The following GALNT13 variants were observed in gnomAD, a reference collection of about 807,000 sequenced individuals.
The protein encoded by GALNT13 is polypeptide N-acetylgalactosaminyltransferase 13, also known as UDP-GalNAc:polypeptide N-acetylgalactosaminyltransferase 13.
In GALNT13, 28 loss-of-function variants were observed where a neutral mutation model predicts 64.2. The ratio of observed to expected loss-of-function variants is 0.44; its 90% CI spans 0.32 to 0.60. The LOEUF (loss-of-function observed/expected upper bound fraction) is 0.60. GALNT13 is among the 20% of genes least tolerant of loss of function. GALNT13 has a pLI of 0.05. For synonymous variants in GALNT13, 214 were observed against 224.6 expected (o/e 0.95, Z 0.42); for missense variants, 577 against 669.8 (o/e 0.86, Z 1.53).
chr2:153,549,569 C>T, the GALNT13 span, among the ~76,000 whole-genome samples: 1 of 152,138 alleles, frequency 6.6e-6, no homozygotes, highest in Admixed American at 6.5e-5. Flanking sequence ...AAACTGTAGC[C>T]ATATGATCAA....
At chr2:154,025,089 G>T (rs1273485815) in intron 3 of GALNT13, among the ~76,000 whole-genome samples, 1 of 152,154 alleles carries the variant, frequency 6.6e-6, no homozygotes, top group East Asian at 1.9e-4. Context: ...CGTGTAAGTT[G>T]TCAGTCCGCC....
the GALNT13 span, among the ~76,000 whole-genome samples, chr2:153,605,183 C>T: frequency 3.9e-5 from 6 of 152,102 alleles, no homozygotes; most frequent in South Asian, 2.1e-4. Context: ...ATAGCTTTTT[C>T]GCAGCCTTCT....
chr2:153,686,781 CA>C, the GALNT13 span, among the ~76,000 whole-genome samples: 1 of 152,014 alleles, frequency 6.6e-6, no homozygotes, highest in South Asian at 2.1e-4. Flanking sequence ...GCGAGTTTGT[CA>C]TATATGGTTC....
Position 154,334,082 on chromosome 2 carries a change from T to TTC in GALNT13, c.1156+32493_1156+32494insTC, listed in dbSNP as rs1553516459. Among the ~76,000 whole-genome samples the TTC allele has an allele frequency of 7.0e-3, 1,062 of 151,478 alleles. 12 individuals are homozygous for TTC. The highest frequency in any genetic ancestry group is 0.024 in the African/African-American group (1,013 of 41,362). Reference sequence around the variant, plus strand: ...ATGTTACCTCATGGATGACTTTTTTTCTCTTCTCTTTTATATGATGTTAAA... The same window carrying TTC: ...ATGTTACCTCATGGATGACTTTTTTTTCCTCTTCTCTTTTATATGATGTTAAA... On this transcript the variant is annotated intron_variant, in intron 9 of 12. Transcript: ENST00000392825.
the GALNT13 span, among the ~76,000 whole-genome samples, chr2:153,405,478 G>A: frequency 1.1e-4 from 17 of 152,302 alleles, no homozygotes; most frequent in Non-Finnish European, 2.2e-4. Context: ...GACACTCTGA[G>A]CATAGCAGAA....
intron 9 of GALNT13, among the ~76,000 whole-genome samples, chr2:154,344,127 GTAGA>G (rs1388437024): frequency 6.6e-6 from 1 of 151,982 alleles, no homozygotes; most frequent in African/African-American, 2.4e-5. Flanking sequence ...AGATTCCTTA[GTAGA>G]TAGTGTCATT....
chr2:153,657,287 G>A, the GALNT13 span, among the ~76,000 whole-genome samples: 1 of 152,072 alleles, frequency 6.6e-6, no homozygotes, highest in Non-Finnish European at 1.5e-5. Context: ...TTTTGAATGG[G>A]AGAGTTAGAA....
At chr2:153,117,728 G>T in the GALNT13 span, among the ~76,000 whole-genome samples, 1 of 152,072 alleles carries the variant, frequency 6.6e-6, no homozygotes, top group Admixed American at 6.6e-5. Flanking sequence ...TGAATTTCCT[G>T]TAGACACCTC....
At chr2:154,255,966 T>G (rs1192501630) in intron 7 of GALNT13, among the ~76,000 whole-genome samples, 1 of 151,692 alleles carries the variant, frequency 6.6e-6, no homozygotes, top group Non-Finnish European at 1.5e-5. Flanking sequence ...GGTGGGAGAA[T>G]CATCTGAGCC....
At chr2:153,918,218 A>AG (rs1689523378) in intron 2 of GALNT13, among the ~76,000 whole-genome samples, 1 of 152,170 alleles carries the variant, frequency 6.6e-6, no homozygotes, top group Non-Finnish European at 1.5e-5. Context: ...GGGAATACAA[A>AG]GTAAAAATAT....
the GALNT13 span, among the ~76,000 whole-genome samples, chr2:153,175,721 A>T: frequency 6.6e-6 from 1 of 152,176 alleles, no homozygotes; most frequent in Admixed American, 6.5e-5. Context: ...AAAATATGAT[A>T]AGACTCATAT....
At chr2:153,518,905 TGGGTAC>T in the GALNT13 span, among the ~76,000 whole-genome samples, 1 of 152,132 alleles carries the variant, frequency 6.6e-6, no homozygotes, top group South Asian at 2.1e-4. Context: ...GTACTGTAAT[TGGGTAC>T]TGTGATTTCT....
chr2:153,871,204 C>T (rs1276780670), upstream of GALNT13, among the ~76,000 whole-genome samples: 1 of 152,172 alleles, frequency 6.6e-6, no homozygotes, highest in Non-Finnish European at 1.5e-5. Context: ...AATATCATAC[C>T]TACTTGCCTG....
intron 9 of GALNT13, among the ~76,000 whole-genome samples, chr2:154,313,417 G>GAT (rs10567387): frequency 1.2e-4 from 7 of 58,274 alleles, no homozygotes; most frequent in South Asian, 7.1e-4. Context: ...ACCCAGTAGA[G>GAT]ATATATATAT....
chr2:153,610,295 T>A, the GALNT13 span, among the ~76,000 whole-genome samples: 1 of 152,058 alleles, frequency 6.6e-6, no homozygotes, highest in Non-Finnish European at 1.5e-5. Flanking sequence ...AAAAAAGAAT[T>A]TGAAACAGAA....
the GALNT13 span, among the ~76,000 whole-genome samples, chr2:153,518,377 T>G: frequency 2.0e-5 from 3 of 152,276 alleles, no homozygotes. Context: ...TGACATGGTT[T>G]CTGAAATGCG....
At chr2:153,123,923 T>C in the GALNT13 span, among the ~76,000 whole-genome samples, 1 of 152,258 alleles carries the variant, frequency 6.6e-6, no homozygotes, top group Non-Finnish European at 1.5e-5. Context: ...AATCTGAGAC[T>C]GGACTTGCTT....
chr2:153,574,748 CTGAATTCTT>C, the GALNT13 span, among the ~76,000 whole-genome samples: 62 of 146,968 alleles, frequency 4.2e-4, no homozygotes, highest in African/African-American at 1.6e-3. Flanking sequence ...TGGTGGAATT[CTGAATTCTT>C]TGAATTCAGA....
the GALNT13 span, among the ~76,000 whole-genome samples, chr2:153,135,316 G>T: frequency 6.6e-6 from 1 of 152,132 alleles, no homozygotes; most frequent in Admixed American, 6.6e-5. Context: ...ACATGAATCT[G>T]GGTGTCGGGG....
Sources: gnomAD v4.1 joint callset for allele counts (sites outside exome capture counted in the v4.1 genomes callset) on GRCh38, gnomAD v4.1.1 for gene constraint, MANE v1.5 for transcripts, NCBI Gene and HGNC (gene_info 2026-07-23, HGNC 2026-07-21) for gene names.